CSMD1: variants seen among roughly 807,000 people sequenced by gnomAD.
CSMD1 encodes CUB and sushi domain-containing protein 1.
CSMD1 carries 213 observed loss-of-function variants against 417.5 expected under a neutral mutation model. That is an observed-to-expected ratio of 0.51 (90% CI 0.46 to 0.57). CSMD1 has a LOEUF of 0.57. Among genes scored for constraint, CSMD1 ranks in the 20% least tolerant of loss-of-function variants. The pLI is 0.00. For missense variants in CSMD1, 6,923 were observed against 4,529.7 expected, an observed-to-expected ratio of 1.53 and a Z score of -15.17; for synonymous variants, 2,862 against 1,736.8, an observed-to-expected ratio of 1.65 and a Z score of -16.11.
intron 1 of CSMD1, among the ~76,000 whole-genome samples, chr8:4,644,072 G>C (rs1301437870): frequency 3.9e-5 from 6 of 152,208 alleles, no homozygotes; most frequent in Admixed American, 6.5e-5. Context: ...GCCTGAAAGA[G>C]AGCCAAGGAA....
chr8:4,314,550 C>G (rs1798812855), intron 3 of CSMD1, among the ~76,000 whole-genome samples: 2 of 152,170 alleles, frequency 1.3e-5, no homozygotes, highest in South Asian at 2.1e-4. Flanking sequence ...AAAGATGATT[C>G]TAAACTCCAG....
intron 48 of CSMD1, among the ~76,000 whole-genome samples, chr8:3,090,841 A>C (rs921008270): frequency 3.3e-5 from 5 of 152,236 alleles, no homozygotes; most frequent in African/African-American, 1.2e-4. Flanking sequence ...GAAAGTTTAA[A>C]GAATAGTGTG....
rs143870851 is a variant in CSMD1 at position 4,216,989 on chromosome 8, C to T, written c.416-184890G>A. On this transcript the variant is annotated intron_variant, in intron 3 of 69. Transcript: ENST00000635120. ...CTAGGATAGGTCCCCACGGTTAAGA[C>T]TTCTCTAACTAGAATTGTCTTGTGT... 3.7e-3 allele frequency among the ~76,000 whole-genome samples: 560 copies of T among 152,258 alleles called. 5 individuals carry two copies. Among genetic ancestry groups the T allele is most frequent in the African/African-American group, 0.013 (536 of 41,556 alleles).
chr8:4,047,460 A>C (rs1484421924), intron 3 of CSMD1, among the ~76,000 whole-genome samples: 1 of 152,234 alleles, frequency 6.6e-6, no homozygotes, highest in Non-Finnish European at 1.5e-5. Context: ...CTTAAGAATC[A>C]TTATAGCTAA....
intron 3 of CSMD1, among the ~76,000 whole-genome samples, chr8:4,139,446 G>C (rs1327775397): frequency 6.6e-6 from 1 of 151,566 alleles, no homozygotes; most frequent in Admixed American, 6.6e-5. Context: ...AAGACTCTAT[G>C]CCTGCCCTGG....
chr8:4,647,576 C>G (rs1429878565), intron 1 of CSMD1, among the ~76,000 whole-genome samples: 1 of 152,140 alleles, frequency 6.6e-6, no homozygotes, highest in African/African-American at 2.4e-5. Context: ...ATCCCCCACC[C>G]CCCAATATGT....
chr8:4,924,851 AAT>A (rs1385316535), intron 1 of CSMD1, among the ~76,000 whole-genome samples: 1 of 151,738 alleles, frequency 6.6e-6, no homozygotes, highest in African/African-American at 2.4e-5. Context: ...TCGGGAAGAA[AAT>A]ATGTTTCTCA....
chr8:3,480,338 C>T (rs1394062384), intron 11 of CSMD1, among the ~76,000 whole-genome samples: 1 of 152,026 alleles, frequency 6.6e-6, no homozygotes, highest in Non-Finnish European at 1.5e-5. Context: ...CTCCAGCCCC[C>T]TGGAGCAATG....
intron 12 of CSMD1, among the ~76,000 whole-genome samples, chr8:3,431,397 T>G (rs1814209006): frequency 6.6e-6 from 1 of 152,178 alleles, no homozygotes; most frequent in Admixed American, 6.5e-5. Context: ...TGCTTTAGTG[T>G]GCCGCTTTTG....
intron 6 of CSMD1, among the ~76,000 whole-genome samples, chr8:3,724,550 T>C (rs536232822): frequency 6.6e-6 from 1 of 152,222 alleles, no homozygotes; most frequent in African/African-American, 2.4e-5. Flanking sequence ...TAAGGCTGAA[T>C]GATCTGAGCA....
intron 3 of CSMD1, among the ~76,000 whole-genome samples, chr8:4,176,786 TC>T (rs1469023899): frequency 3.3e-5 from 5 of 149,302 alleles, no homozygotes; most frequent in African/African-American, 1.2e-4. Context: ...AATCCTAGTC[TC>T]TGATAAAACA....
chr8:4,781,510 C>G (rs1327232039), intron 1 of CSMD1, among the ~76,000 whole-genome samples: 1 of 152,200 alleles, frequency 6.6e-6, no homozygotes, highest in Non-Finnish European at 1.5e-5. Context: ...AAAGAGATCA[C>G]ATACAAGAGA....
At chr8:4,471,793 A>C (rs138547874) in intron 2 of CSMD1, among the ~76,000 whole-genome samples, 3 of 152,128 alleles carry the variant, frequency 2.0e-5, no homozygotes, top group East Asian at 1.9e-4. Context: ...AGCAATATAT[A>C]GATGTTAACA....
chr8:4,384,058 T>A (rs1433155092), intron 3 of CSMD1, among the ~76,000 whole-genome samples: 2 of 4,790 alleles, frequency 4.2e-4, no homozygotes, highest in South Asian at 3.7e-3. Context: ...TCAGTGTTGT[T>A]TTTTTTGCAC....
At chr8:2,990,585 C>T (rs532478610) in intron 54 of CSMD1, among the ~76,000 whole-genome samples, 13 of 152,278 alleles carry the variant, frequency 8.5e-5, no homozygotes, top group Admixed American at 4.6e-4. Flanking sequence ...CCCACATTAT[C>T]GGCGAAAGCA....
chr8:3,230,863 C>G lies in CSMD1; in HGVS notation c.4154-632G>C, dbSNP rs542759645. The stretch of plus-strand genomic sequence containing the variant: ...TAACAAAAGCTCTGAAAATAATATC[C>G]TGCCTTTCTGCATATATATAAAGAA... On this transcript the variant is annotated intron_variant, in intron 26 of 69. Coordinates refer to ENST00000635120, the MANE Select transcript of CSMD1 (RefSeq NM_033225.6). 4.3e-3 allele frequency among the ~76,000 whole-genome samples: 649 copies of G among 152,242 alleles called. 2 individuals are homozygous for G. Among genetic ancestry groups the G allele is most frequent in the South Asian group, 0.013 (63 of 4,816 alleles).
At chr8:4,056,645 A>C (rs556819243) in intron 3 of CSMD1, among the ~76,000 whole-genome samples, 40 of 151,994 alleles carry the variant, frequency 2.6e-4, no homozygotes, top group African/African-American at 9.4e-4. Context: ...TTAACTCATC[A>C]TTTAGCATTA....
At chr8:4,264,100 A>C (rs1298022056) in intron 3 of CSMD1, among the ~76,000 whole-genome samples, 1 of 152,194 alleles carries the variant, frequency 6.6e-6, no homozygotes, top group East Asian at 1.9e-4. Context: ...TCAAACTATC[A>C]AGAATAAATG....
chr8:4,735,805 G>T (rs753608218), intron 1 of CSMD1, among the ~76,000 whole-genome samples: 1 of 152,144 alleles, frequency 6.6e-6, no homozygotes. Context: ...TTCCAAGGCT[G>T]CCTAGATCTT....
Sources: allele counts gnomAD v4.1 joint callset (sites outside exome capture counted in the v4.1 genomes callset), GRCh38; gene constraint gnomAD v4.1.1; transcripts MANE v1.5; gene names NCBI Gene and HGNC (gene_info 2026-07-23, HGNC 2026-07-21).